Variants in TBC1D5 observed in about 807,000 individuals in gnomAD.
TBC1D5 encodes the protein TBC1 domain family member 5, also known as TBC1 domain family, member 5.
A neutral mutation model predicts 100.3 loss-of-function variants in TBC1D5; 75 were observed. The observed-to-expected ratio is 0.75, with a 90% CI of 0.62 to 0.91. TBC1D5 has a LOEUF of 0.91. TBC1D5 is among the 40% of genes least tolerant of loss of function. The pLI is 0.00. For synonymous variants in TBC1D5, 323 were observed against 325.6 expected (o/e 0.99, Z 0.09); for missense variants, 910 against 942.4 (o/e 0.97, Z 0.45).
intron 13 of TBC1D5, among the ~76,000 whole-genome samples, chr3:17,369,734 G>T (rs946663608): frequency 1.3e-5 from 2 of 152,114 alleles, no homozygotes; most frequent in African/African-American, 4.8e-5. Flanking sequence ...ACAGCTTAGG[G>T]ATATAAGAAA....
chr3:17,380,444 C>T (rs575874975), intron 9 of TBC1D5, among the ~76,000 whole-genome samples: 2 of 151,824 alleles, frequency 1.3e-5, no homozygotes, highest in East Asian at 3.9e-4. Context: ...ATTACATAGA[C>T]GTCTTTAAAA....
intron 13 of TBC1D5, among the ~76,000 whole-genome samples, chr3:17,335,477 T>C (rs1435610717): frequency 6.6e-6 from 1 of 152,084 alleles, no homozygotes; most frequent in Admixed American, 6.6e-5. Context: ...GAAAGACCCA[T>C]CTCTGACTCC....
At chr3:17,178,653 ATTTAT>A (rs773168355) in intron 19 of TBC1D5, among the ~76,000 whole-genome samples, 8 of 151,842 alleles carry the variant, frequency 5.3e-5, no homozygotes, top group Admixed American at 6.6e-5. Context: ...GTTCTCTTTT[ATTTAT>A]TTTATTTTTT....
At chr3:17,404,188 A>G (rs1277662096) in intron 7 of TBC1D5, among the ~76,000 whole-genome samples, 1 of 152,152 alleles carries the variant, frequency 6.6e-6, no homozygotes, top group African/African-American at 2.4e-5. Context: ...TAGAGCACTC[A>G]TACTTTTAAA....
Position 17,452,316 on chromosome 3 carries a change from CA to C in TBC1D5, c.98-23798del, listed in dbSNP as rs546207516. ...GTAAGTCCCTACTTATCAATAATAA[CA>C]TTAAATGTACATAGACTAAACTGTC... On this transcript the variant is annotated intron_variant, in intron 3 of 21. Coordinates refer to ENST00000253692, the Ensembl canonical transcript of TBC1D5. 2.0e-5 allele frequency among the ~76,000 whole-genome samples: 3 copies of C among 152,088 alleles called. No homozygotes were observed. In the East Asian group the frequency reaches 5.8e-4, roughly 29 times the overall value.
intron 2 of TBC1D5, among the ~76,000 whole-genome samples, chr3:17,578,193 C>A (rs956294385): frequency 2.6e-5 from 4 of 151,916 alleles, no homozygotes; most frequent in Admixed American, 6.6e-5. Flanking sequence ...AAATTAAGTA[C>A]CGTTTTGTAT....
intron 3 of TBC1D5, among the ~76,000 whole-genome samples, chr3:17,432,762 G>A (rs955906561): frequency 2.1e-4 from 32 of 152,162 alleles, no homozygotes; most frequent in Admixed American, 1.6e-3. Context: ...TTTGAGAAAA[G>A]GATGCTTTGT....
At chr3:17,614,426 A>G (rs1229705271) in intron 2 of TBC1D5, among the ~76,000 whole-genome samples, 1 of 152,218 alleles carries the variant, frequency 6.6e-6, no homozygotes, top group Non-Finnish European at 1.5e-5. Flanking sequence ...CTGTGAAGAA[A>G]GTCATTGGTA....
chr3:17,399,955 A>G (rs962642821), intron 8 of TBC1D5, among the ~76,000 whole-genome samples: 2 of 151,696 alleles, frequency 1.3e-5, no homozygotes, highest in African/African-American at 4.8e-5. Flanking sequence ...TTCTCCAATC[A>G]CTATTCCTAA....
intron 15 of TBC1D5, among the ~76,000 whole-genome samples, chr3:17,262,799 T>A (rs959811934): frequency 4.3e-4 from 65 of 152,110 alleles, no homozygotes; most frequent in Middle Eastern, 3.4e-3. Context: ...ATTTTTTTTT[T>A]AAATGCGTTT....
rs1400732466 is a variant in TBC1D5, at chr3:17,281,922, CT to C, written c.1245+9972del. 1.6e-4 allele frequency among the ~76,000 whole-genome samples: 25 copies of C among 152,162 alleles called. No individual in the cohort carries two copies. In the East Asian group the frequency reaches 1.9e-3, roughly 12 times the overall value. ...GTTCTGTCAGTTTTAAGTTTATAAT[CT>C]TTTTTTCATAACTTATGATTTGTAA... On this transcript the variant is annotated intron_variant, in intron 15 of 21. Coordinates refer to ENST00000253692, the Ensembl canonical transcript of TBC1D5.
intron 16 of TBC1D5, among the ~76,000 whole-genome samples, chr3:17,257,820 GA>G (rs918025936): frequency 2.4e-4 from 37 of 152,292 alleles, no homozygotes; most frequent in African/African-American, 8.7e-4. Flanking sequence ...GCTTGAGGAA[GA>G]AAATTCGGAC....
intron 1 of TBC1D5, chr3:17,705,914 G>C (rs952527688): frequency 6.4e-6 from 6 of 932,256 alleles, no homozygotes; most frequent in South Asian, 3.5e-5. Context: ...CCTTGCCCTC[G>C]GGCCCGCGGG....
At position 17,652,907 on chromosome 3, in the gene TBC1D5, C is replaced by CCT. The variant is rs1415960194; in HGVS notation, c.-100-28995_-100-28994insAG. Among the ~76,000 whole-genome samples, 10 of 152,086 alleles carry CCT rather than the reference C, an allele frequency of 6.6e-5. No homozygotes were observed. In the East Asian group the frequency reaches 1.9e-3, roughly 29 times the overall value. ...CAATAGCCAAAAGATAGAAACAGCC[C>CCT]AACTGTCCATCAAGGGATGAATGGA... On this transcript the variant is annotated intron_variant, in intron 1 of 21. Transcript: ENST00000253692.
At position 17,502,344 on chromosome 3, in the gene TBC1D5, A is replaced by G. The variant is rs369038492; in HGVS notation, c.97+6130T>C. 2.4e-4 allele frequency among the ~76,000 whole-genome samples: 36 copies of G among 149,770 alleles called. 1 individual carries two copies. In the South Asian group the frequency reaches 5.5e-3, roughly 23 times the overall value. The stretch of plus-strand genomic sequence containing the variant: ...TGGACACTTCTATTTTCTTAACTTC[A>G]GTAATCTCTGGCAGTTTTGCTCATT... On this transcript the variant is annotated intron_variant, in intron 3 of 21. Coordinates refer to ENST00000253692, the Ensembl canonical transcript of TBC1D5.
At chr3:17,526,130 A>T (rs1450444965) in intron 2 of TBC1D5, among the ~76,000 whole-genome samples, 1 of 152,174 alleles carries the variant, frequency 6.6e-6, no homozygotes, top group East Asian at 1.9e-4. Context: ...AGAAGAGAAA[A>T]ACCCTAGAAT....
chr3:17,389,455 A>G (rs1350828211), intron 8 of TBC1D5, among the ~76,000 whole-genome samples: 2 of 152,132 alleles, frequency 1.3e-5, no homozygotes, highest in African/African-American at 2.4e-5. Flanking sequence ...GGTGGAACAC[A>G]GCTTCTGTCT....
chr3:17,360,200 A>G (rs2091573051), intron 13 of TBC1D5, among the ~76,000 whole-genome samples: 1 of 152,006 alleles, frequency 6.6e-6, no homozygotes, highest in Non-Finnish European at 1.5e-5. Flanking sequence ...TATTTCTGGG[A>G]AAGTTTTATT....
At chr3:17,223,363 T>A (rs2074491161) in intron 17 of TBC1D5, among the ~76,000 whole-genome samples, 2 of 152,202 alleles carry the variant, frequency 1.3e-5, no homozygotes, top group Admixed American at 1.3e-4. Flanking sequence ...TAGAATACAC[T>A]TCAGCAATGT....
Sources: gnomAD v4.1 joint callset for allele counts (sites outside exome capture counted in the v4.1 genomes callset) on GRCh38, gnomAD v4.1.1 for gene constraint, MANE v1.5 for transcripts, NCBI Gene and HGNC (gene_info 2026-07-23, HGNC 2026-07-21) for gene names.